The following WDR43 variants were observed in gnomAD, a reference collection of about 807,000 sequenced individuals.
WDR43 encodes WD repeat domain 43, also known as WD repeat-containing protein 43.
WDR43 carries 13 observed loss-of-function variants against 91.4 expected under a neutral mutation model. The observed-to-expected ratio is 0.14, with a 90% CI of 0.09 to 0.23. The LOEUF is 0.23. Ranked by LOEUF, WDR43 falls within the 10% of genes least tolerant of loss-of-function variation. The probability of loss-of-function intolerance (pLI) is 1.00; values close to 1 mark genes in which losing one functional copy is unlikely to be tolerated. For synonymous variants in WDR43, 331 were observed against 287.9 expected, an observed-to-expected ratio of 1.15 and a Z score of -1.51; for missense variants, 780 against 809.4, an observed-to-expected ratio of 0.96 and a Z score of 0.44.
intron 4 of WDR43, among the ~76,000 whole-genome samples, chr2:28,912,918 A>G (rs1337305802): frequency 6.6e-6 from 1 of 151,962 alleles, no homozygotes; most frequent in East Asian, 1.9e-4. Flanking sequence ...TATTGGAAAA[A>G]TGAACAGAAC....
intron 1 of WDR43, among the ~76,000 whole-genome samples, chr2:28,899,367 T>A (rs1670539474): frequency 1.3e-5 from 2 of 152,122 alleles, no homozygotes; most frequent in South Asian, 4.1e-4. Context: ...GGAGGTGGTA[T>A]TTGAGGTGGG....
intron 6 of WDR43, among the ~76,000 whole-genome samples, chr2:28,920,218 T>C (rs1444393295): frequency 2.8e-5 from 3 of 106,244 alleles, no homozygotes; most frequent in Non-Finnish European, 6.6e-5. Flanking sequence ...TAAATTTTTT[T>C]TCTTTCTTTT....
chr2:28,919,853 AT>A lies in WDR43; in HGVS notation c.849+1866del, dbSNP rs529487752. Among the ~76,000 whole-genome samples, 200 of 151,526 alleles carry A rather than the reference AT, an allele frequency of 1.3e-3. 1 individual carries two copies. The highest frequency in any genetic ancestry group is 2.3e-3 in the Non-Finnish European group (159 of 67,826). On this transcript the variant is annotated intron_variant, in intron 6 of 17. Coordinates refer to ENST00000407426, the MANE Select transcript of WDR43 (RefSeq NM_015131.3). The stretch of plus-strand genomic sequence containing the variant: ...TATAACTTTATTTTTATTTTATTTT[AT>A]TTTTTTTGGAGACAGAGTCTCTGTC...
intron 6 of WDR43, among the ~76,000 whole-genome samples, chr2:28,918,244 A>T (rs1670954368): frequency 6.6e-6 from 1 of 152,218 alleles, no homozygotes; most frequent in South Asian, 2.1e-4. Context: ...AAAGTTGTTC[A>T]GGTGGATTTT....
chr2:28,908,984 T>C (rs1211491662), intron 3 of WDR43, among the ~76,000 whole-genome samples: 1 of 152,204 alleles, frequency 6.6e-6, no homozygotes, highest in Non-Finnish European at 1.5e-5. Context: ...ATTGCTTGGT[T>C]TTCATTTCAT....
intron 1 of WDR43, among the ~76,000 whole-genome samples, chr2:28,900,418 G>A (rs544077272): frequency 4.3e-4 from 66 of 152,090 alleles, no homozygotes; most frequent in Middle Eastern, 3.4e-3. Context: ...TCCTGACCTC[G>A]TGATCCACCT....
chr2:28,931,600 G>T (rs937347878), intron 11 of WDR43, among the ~76,000 whole-genome samples: 3 of 150,972 alleles, frequency 2.0e-5, no homozygotes, highest in Non-Finnish European at 4.4e-5. Context: ...GAAGCTTGAA[G>T]ATCTAGATCT....
At chr2:28,926,341 A>T in intron 8 of WDR43, 127 bp from the exon 9 acceptor site, 1 of 690,384 alleles carries the variant, frequency 1.4e-6, no homozygotes, top group Non-Finnish European at 2.3e-6. Flanking sequence ...CATACTTTTT[A>T]ATATTTTATA....
At chr2:28,934,622 T>G (rs1671305360) in intron 11 of WDR43, among the ~76,000 whole-genome samples, 1 of 152,142 alleles carries the variant, frequency 6.6e-6, no homozygotes, top group Non-Finnish European at 1.5e-5. Context: ...AATTAGAAAA[T>G]CATTACTAAT....
intron 3 of WDR43, 80 bp downstream of exon 3, chr2:28,906,661 G>T: frequency 6.9e-7 from 1 of 1,444,256 alleles, no homozygotes; most frequent in Non-Finnish European, 9.1e-7. Context: ...ACATTAATAA[G>T]GTTATAGGTT....
intron 13 of WDR43, 119 bp downstream of exon 13, chr2:28,937,072 C>A: frequency 1.1e-6 from 1 of 925,222 alleles, no homozygotes; most frequent in Non-Finnish European, 1.6e-6. Context: ...CCCCTCGCCA[C>A]CTCCCTTATT....
At chr2:28,912,755 A>G (rs1286541165) in intron 4 of WDR43, 45 bp downstream of exon 4, 1 of 1,599,682 alleles carries the variant, frequency 6.3e-7, no homozygotes, top group Non-Finnish European at 8.5e-7. Flanking sequence ...TATAGAGTAA[A>G]CACAGAGAAA....
rs142497778 is a variant in WDR43, at chr2:28,921,076, G to A, written c.850-1843G>A. On this transcript the variant is annotated intron_variant, in intron 6 of 17. Coordinates refer to ENST00000407426, the MANE Select transcript of WDR43 (RefSeq NM_015131.3). ...CAGAGTTTATCTTGGAATACTATTGGCATTATATTTAAAATTATTGATAAT... is the reference window on the plus strand; with the variant it reads ...CAGAGTTTATCTTGGAATACTATTGACATTATATTTAAAATTATTGATAAT... 4.0e-4 allele frequency among the ~76,000 whole-genome samples: 61 copies of A among 151,972 alleles called. 1 individual carries two copies. In the East Asian group the frequency reaches 7.2e-3, roughly 18 times the overall value.
chr2:28,943,493 T>C (rs1671486936), intron 16 of WDR43, among the ~76,000 whole-genome samples: 1 of 152,180 alleles, frequency 6.6e-6, no homozygotes, highest in South Asian at 2.1e-4. Context: ...ATAATCTTGA[T>C]AACAAAACCT....
intron 7 of WDR43, among the ~76,000 whole-genome samples, chr2:28,924,389 C>A (rs528497772): frequency 4.6e-5 from 7 of 151,564 alleles, no homozygotes; most frequent in Admixed American, 4.6e-4. Context: ...ATTTTAGGGA[C>A]GAAAAAGGGA....
chr2:28,903,643 C>T (rs1052320759), intron 2 of WDR43, among the ~76,000 whole-genome samples: 1 of 152,194 alleles, frequency 6.6e-6, no homozygotes, highest in South Asian at 2.1e-4. Context: ...TCCCTATATT[C>T]TTCCCCCCTC....
At chr2:28,906,686 C>G (rs1483065777) in intron 3 of WDR43, 105 bp downstream of exon 3, 46 of 1,355,426 alleles carry the variant, frequency 3.4e-5, no homozygotes, top group Non-Finnish European at 4.2e-5. Context: ...TTACAAAGAA[C>G]TTTTAATCAA....
At chr2:28,908,610 T>A (rs1468882697) in intron 3 of WDR43, among the ~76,000 whole-genome samples, 1 of 17,388 alleles carries the variant, frequency 5.8e-5, no homozygotes, top group South Asian at 2.7e-3. Flanking sequence ...TGAGGTGAAC[T>A]TTAGCCCCAC....
Position 28,931,893 on chromosome 2 carries a change from A to T in WDR43, c.1437+2183A>T, listed in dbSNP as rs868440412. Among the ~76,000 whole-genome samples the T allele has an allele frequency of 6.5e-3, 790 of 120,670 alleles. 7 individuals are homozygous for T. The highest frequency in any genetic ancestry group is 0.023 in the African/African-American group (713 of 31,326). 79.2% of individuals were successfully genotyped at this position (120,670 alleles called of 152,430 possible). A position where few individuals can be genotyped will look rare whatever the true frequency, so the allele number is the denominator to read the frequency against. ...CCCGCCCTTTTTTTTTTTTTTTTTT[A>T]AATGAGACAGGGTCTCACTCTGTCA... On this transcript the variant is annotated intron_variant, in intron 11 of 17. Coordinates refer to ENST00000407426, the MANE Select transcript of WDR43 (RefSeq NM_015131.3).
Sources: allele counts gnomAD v4.1 joint callset (sites outside exome capture counted in the v4.1 genomes callset), GRCh38; gene constraint gnomAD v4.1.1; transcripts MANE v1.5; gene names NCBI Gene and HGNC (gene_info 2026-07-23, HGNC 2026-07-21).